The following ATP8A2 variants were observed in gnomAD, a reference collection of about 807,000 sequenced individuals.
ATP8A2 encodes the protein ATPase phospholipid transporting 8A2, also known as phospholipid-transporting ATPase IB.
ATP8A2 carries 100 observed loss-of-function variants against 165.6 expected under a neutral mutation model. The ratio of observed to expected loss-of-function variants is 0.60; its 90% confidence interval spans 0.51 to 0.71. The LOEUF (loss-of-function observed/expected upper bound fraction) is 0.71. Among genes scored for constraint, ATP8A2 ranks in the 30% least tolerant of loss-of-function variants. The probability of loss-of-function intolerance (pLI) is 0.00; values close to 1 mark genes in which losing one functional copy is unlikely to be tolerated. For missense variants in ATP8A2, 1,227 were observed against 1,479.5 expected, an observed-to-expected ratio of 0.83 and a Z score of 2.80; for synonymous variants, 543 against 548.8, an observed-to-expected ratio of 0.99 and a Z score of 0.15.
Position 25,949,723 on chromosome 13 carries a change from C to T in ATP8A2, c.3184-11852C>T, listed in dbSNP as rs569915252. Among the ~76,000 whole-genome samples the T allele has an allele frequency of 3.7e-4, 56 of 152,276 alleles. 1 individual carries two copies. Among genetic ancestry groups the T allele is most frequent in the South Asian group, 3.5e-3 (17 of 4,826 alleles). ...CAGCTGGACAATTGCCCCTGAGACA[C>T]GGAAGATAGAGACTGCACGTGTGTC... On this transcript the variant is annotated intron_variant, in intron 33 of 36. Transcript: ENST00000381655.
chr13:25,542,003 C>T lies in ATP8A2; in HGVS notation c.736C>T (p.His246Tyr). 6.2e-7 allele frequency: 1 copy of T among 1,614,060 alleles called. No homozygotes were observed. Among genetic ancestry groups the T allele is most frequent in the Non-Finnish European group, 8.5e-7 (1 of 1,179,934 alleles). The change falls in exon 9 of 37, where the codon CAC becomes TAC. Residue 246 changes from histidine to tyrosine, a missense_variant. Around this residue, in one of 5 missense-constraint regions of ATP8A2, gnomAD observed 356 missense variants for 394.9 expected, o/e 0.90. Coordinates refer to ENST00000381655, the MANE Select transcript of ATP8A2 (RefSeq NM_016529.6). ...TATAGAGTGTGAAGGGCCCAACCGC[C>T]ACCTCTATGACTTCACTGGAAACTT... ...GTIECEGPNR[H>Y]LYDFTGNLNL...
At chr13:25,879,411 G>T (rs1407290297) in intron 33 of ATP8A2, among the ~76,000 whole-genome samples, 1 of 152,126 alleles carries the variant, frequency 6.6e-6, no homozygotes, top group Non-Finnish European at 1.5e-5. Flanking sequence ...AAAAATGGAC[G>T]TTACTTAATA....
At chr13:25,383,781 C>G (rs2032940446) in intron 1 of ATP8A2, among the ~76,000 whole-genome samples, 2 of 152,212 alleles carry the variant, frequency 1.3e-5, no homozygotes, top group Admixed American at 6.5e-5. Flanking sequence ...CTTTTCTTCT[C>G]CATAGTGACC....
At chr13:25,927,356 G>A (rs1211376712) in intron 33 of ATP8A2, 8 of 362,106 alleles carry the variant, frequency 2.2e-5, no homozygotes, top group Admixed American at 2.0e-4. Context: ...AATAAATCAG[G>A]TTTGACTTTT....
intron 33 of ATP8A2, among the ~76,000 whole-genome samples, chr13:25,916,836 C>T (rs1332856175): frequency 6.6e-6 from 1 of 152,116 alleles, no homozygotes; most frequent in Non-Finnish European, 1.5e-5. Flanking sequence ...TAGTTTGCTT[C>T]TCTTCTTTCT....
intron 1 of ATP8A2, among the ~76,000 whole-genome samples, chr13:25,458,760 TA>T (rs2035428897): frequency 6.6e-6 from 1 of 152,192 alleles, no homozygotes; most frequent in African/African-American, 2.4e-5. Flanking sequence ...GTGAGGATAA[TA>T]CTGAGGAGCA....
chr13:25,916,339 C>T (rs1474949988), intron 33 of ATP8A2, among the ~76,000 whole-genome samples: 1 of 152,242 alleles, frequency 6.6e-6, no homozygotes, highest in African/African-American at 2.4e-5. Flanking sequence ...AGCCAGAGAA[C>T]TGTGTCGACG....
chr13:25,678,292 G>A (rs1382657516), intron 24 of ATP8A2, among the ~76,000 whole-genome samples: 2 of 152,156 alleles, frequency 1.3e-5, no homozygotes, highest in Non-Finnish European at 2.9e-5. Context: ...GGTAATTTCA[G>A]CAACAAGTGA....
intron 33 of ATP8A2, among the ~76,000 whole-genome samples, chr13:25,942,966 T>C (rs1273315933): frequency 2.0e-5 from 3 of 152,096 alleles, no homozygotes; most frequent in Admixed American, 2.0e-4. Context: ...ACAGGGCATT[T>C]GCTAGATTTC....
At chr13:25,594,494 G>A (rs1257685449) in intron 24 of ATP8A2, among the ~76,000 whole-genome samples, 3 of 152,044 alleles carry the variant, frequency 2.0e-5, no homozygotes, top group Non-Finnish European at 2.9e-5. Flanking sequence ...GTTCTTTAGC[G>A]GTGGTTCGTG....
intron 35 of ATP8A2, among the ~76,000 whole-genome samples, chr13:26,009,227 A>G (rs560287618): frequency 5.1e-4 from 77 of 152,350 alleles, no homozygotes; most frequent in African/African-American, 1.8e-3. Flanking sequence ...ACACATAAAT[A>G]TGTGAAAGTT....
intron 33 of ATP8A2, among the ~76,000 whole-genome samples, chr13:25,900,413 C>G (rs1318207512): frequency 6.6e-6 from 1 of 152,024 alleles, no homozygotes; most frequent in Non-Finnish European, 1.5e-5. Flanking sequence ...CCAAGGTGGT[C>G]GTCAGTGTTT....
At chr13:25,622,482 C>G (rs893938167) in intron 24 of ATP8A2, among the ~76,000 whole-genome samples, 1 of 152,166 alleles carries the variant, frequency 6.6e-6, no homozygotes, top group Non-Finnish European at 1.5e-5. Flanking sequence ...TCTGTCCTCT[C>G]TCCTCTGCCC....
At chr13:25,865,766 C>G (rs1952491420) in intron 33 of ATP8A2, among the ~76,000 whole-genome samples, 1 of 152,208 alleles carries the variant, frequency 6.6e-6, no homozygotes, top group African/African-American at 2.4e-5. Flanking sequence ...TCCTTCCCCT[C>G]CTGAAAATAC....
chr13:25,469,320 A>C (rs2035774823), intron 2 of ATP8A2, among the ~76,000 whole-genome samples, 199 bp downstream of exon 2: 1 of 147,652 alleles, frequency 6.8e-6, no homozygotes, highest in Non-Finnish European at 1.5e-5. Context: ...TGCAGCCCTC[A>C]CCGTTCTCTC....
intron 2 of ATP8A2, among the ~76,000 whole-genome samples, chr13:25,528,840 T>C: frequency 1.2e-5 from 1 of 81,174 alleles, no homozygotes; most frequent in East Asian, 2.0e-4. Context: ...GCAACATGTG[T>C]ATGCACACAT....
intron 24 of ATP8A2, among the ~76,000 whole-genome samples, chr13:25,608,727 A>G (rs1400067772): frequency 6.6e-6 from 1 of 152,194 alleles, no homozygotes; most frequent in Non-Finnish European, 1.5e-5. Flanking sequence ...TATGCCATAC[A>G]TACATCTATA....
chr13:25,849,523 TA>T (rs1951955479), intron 30 of ATP8A2, among the ~76,000 whole-genome samples: 1 of 152,262 alleles, frequency 6.6e-6, no homozygotes, highest in Non-Finnish European at 1.5e-5. Context: ...TTTGTCTCTT[TA>T]GAAAATGAGA....
At chr13:25,726,842 G>C (rs1464754549) in intron 25 of ATP8A2, among the ~76,000 whole-genome samples, 1 of 152,176 alleles carries the variant, frequency 6.6e-6, no homozygotes, top group African/African-American at 2.4e-5. Context: ...TTCATAGCAA[G>C]AGTGCTAGAT....
Sources: gnomAD v4.1 joint callset for allele counts (sites outside exome capture counted in the v4.1 genomes callset) on GRCh38, gnomAD v4.1.1 for gene constraint, gnomAD v4.1.1 regional missense constraint, MANE v1.5 for transcripts, NCBI Gene and HGNC (gene_info 2026-07-23, HGNC 2026-07-21) for gene names.